ZNRF2: variants seen among roughly 807,000 people sequenced by gnomAD.
The protein encoded by ZNRF2 is E3 ubiquitin-protein ligase ZNRF2.
ZNRF2 carries 16 observed loss-of-function variants against 20.4 expected under a neutral mutation model. That is an observed-to-expected ratio of 0.79 (90% CI 0.53 to 1.19). The LOEUF (loss-of-function observed/expected upper bound fraction) is 1.19. Among genes scored for constraint, ZNRF2 ranks in the 50% most tolerant of loss-of-function variants. The pLI is 0.00. For missense variants in ZNRF2, 363 were observed against 332.4 expected, an observed-to-expected ratio of 1.09 and a Z score of -0.72; for synonymous variants, 178 against 144.9, an observed-to-expected ratio of 1.23 and a Z score of -1.64.
chr7:30,290,149 G>A (rs960469670), intron 1 of ZNRF2, among the ~76,000 whole-genome samples: 19 of 152,162 alleles, frequency 1.2e-4, no homozygotes, highest in African/African-American at 3.6e-4. Context: ...CTTAAGAACT[G>A]TTATTTGAAA....
In ZNRF2 at chr7:30,289,900, C is replaced by G. The variant is rs771844844; in HGVS notation, c.469+4074C>G. 33 of 534,222 alleles carry G rather than the reference C, an allele frequency of 6.2e-5. No individual in the cohort carries two copies. In the Middle Eastern group the frequency reaches 1.6e-3, roughly 26 times the overall value. The allele number at this position is 534,222 out of a possible 1,614,324, so 33.1% of individuals were successfully genotyped here. On this transcript the variant is annotated intron_variant, in intron 1 of 4. Coordinates refer to ENST00000323037, the MANE Select transcript of ZNRF2 (RefSeq NM_147128.4). The stretch of plus-strand genomic sequence containing the variant: ...TCTCCAACAAGTCTCTTGCTCTCCT[C>G]CAATTTGATCGCTTTGCCTGGTGAC...
chr7:30,319,578 C>T (rs556500978), intron 1 of ZNRF2, among the ~76,000 whole-genome samples: 1 of 152,224 alleles, frequency 6.6e-6, no homozygotes, highest in African/African-American at 2.4e-5. Context: ...TGTAAATAAA[C>T]ACAGGGCCAT....
At chr7:30,324,168 G>C (rs1799516203) in intron 2 of ZNRF2, among the ~76,000 whole-genome samples, 1 of 151,948 alleles carries the variant, frequency 6.6e-6, no homozygotes, top group South Asian at 2.1e-4. Context: ...TCTTCATTCA[G>C]TTTATTGTGA....
At chr7:30,355,515 A>G (rs181678980) in intron 2 of ZNRF2, among the ~76,000 whole-genome samples, 6 of 152,308 alleles carry the variant, frequency 3.9e-5, no homozygotes, top group African/African-American at 1.4e-4. Context: ...TAAAATAGAA[A>G]TGAAAACGTG....
rs529020102 is a variant in ZNRF2, at chr7:30,289,847, A to C, written c.469+4021A>C. ...GAGGGAGTAAGAGCCCTGTTGTTGT[A>C]AGATAGTGTCTTACTCCCTCAGGCA... On this transcript the variant is annotated intron_variant, in intron 1 of 4. Coordinates refer to ENST00000323037, the MANE Select transcript of ZNRF2 (RefSeq NM_147128.4). 57 of 534,210 alleles carry C rather than the reference A, an allele frequency of 1.1e-4. 1 individual carries two copies. The highest frequency in any genetic ancestry group is 1.8e-4 in the Non-Finnish European group (46 of 259,834). 33.1% of individuals were successfully genotyped at this position (534,210 alleles called of 1,614,324 possible).
At chr7:30,288,251 G>T (rs1272451633) in intron 1 of ZNRF2, among the ~76,000 whole-genome samples, 1 of 152,072 alleles carries the variant, frequency 6.6e-6, no homozygotes, top group African/African-American at 2.4e-5. Context: ...TGTATAAATG[G>T]TTATATACAA....
intron 2 of ZNRF2, among the ~76,000 whole-genome samples, chr7:30,354,320 A>T (rs971341211): frequency 2.0e-5 from 3 of 152,154 alleles, no homozygotes; most frequent in African/African-American, 4.8e-5. Flanking sequence ...CTCCTAACGT[A>T]TTCAGTCCAT....
At chr7:30,349,669 A>G (rs1191507185) in intron 2 of ZNRF2, among the ~76,000 whole-genome samples, 4 of 152,016 alleles carry the variant, frequency 2.6e-5, no homozygotes, top group Non-Finnish European at 5.9e-5. Context: ...AAATTTAAAC[A>G]TTTGTCTAAT....
At chr7:30,312,023 G>T (rs1035035698) in intron 1 of ZNRF2, among the ~76,000 whole-genome samples, 1 of 152,100 alleles carries the variant, frequency 6.6e-6, no homozygotes, top group Non-Finnish European at 1.5e-5. Context: ...GTTGCTAAAA[G>T]GTCATTTAAA....
chr7:30,331,634 G>C (rs763638222), intron 2 of ZNRF2, among the ~76,000 whole-genome samples: 1 of 152,174 alleles, frequency 6.6e-6, no homozygotes, highest in Non-Finnish European at 1.5e-5. Context: ...TGGAGAGGCA[G>C]TATTTGAAGG....
chr7:30,367,291 C>T lies in ZNRF2; in HGVS notation c.*1279C>T, dbSNP rs1404617110. On this transcript the variant is annotated 3_prime_UTR_variant, in exon 5 of 5. Transcript: ENST00000323037. ...AAACAAAATTATGTTAATAAATATT[C>T]CCACATAATACATCTGAATGGTTAA... The T allele has an allele frequency of 7.9e-5, 12 of 152,314 alleles. No individual in the cohort carries two copies. Among genetic ancestry groups the T allele is most frequent in the Admixed American group, 7.9e-4 (12 of 15,244 alleles). 9.4% of individuals were successfully genotyped at this position (152,314 alleles called of 1,614,324 possible). A position where few individuals can be genotyped will look rare whatever the true frequency, so the allele number is the denominator to read the frequency against.
intron 1 of ZNRF2, among the ~76,000 whole-genome samples, chr7:30,322,499 T>C (rs1799486552): frequency 6.6e-6 from 1 of 152,210 alleles, no homozygotes; most frequent in Non-Finnish European, 1.5e-5. Context: ...TAGCTTCATG[T>C]GGCCTTCTTT....
intron 2 of ZNRF2, among the ~76,000 whole-genome samples, chr7:30,352,277 G>T (rs917344102): frequency 6.6e-6 from 1 of 151,904 alleles, no homozygotes; most frequent in Admixed American, 6.6e-5. Context: ...GATAGCAGTC[G>T]CATTTGTGAG....
chr7:30,305,933 C>T (rs929110974), intron 1 of ZNRF2, among the ~76,000 whole-genome samples: 2 of 152,066 alleles, frequency 1.3e-5, no homozygotes, highest in Non-Finnish European at 2.9e-5. Flanking sequence ...AAACATTATT[C>T]TGGGTATCTT....
At chr7:30,328,714 A>G (rs1201928491) in intron 2 of ZNRF2, among the ~76,000 whole-genome samples, 1 of 152,156 alleles carries the variant, frequency 6.6e-6, no homozygotes, top group African/African-American at 2.4e-5. Flanking sequence ...TGCACAATAT[A>G]TCTGAACACC....
chr7:30,319,132 T>C (rs1005439355), intron 1 of ZNRF2, among the ~76,000 whole-genome samples: 39 of 151,670 alleles, frequency 2.6e-4, no homozygotes, highest in Non-Finnish European at 3.1e-4. Flanking sequence ...AAAAATGTCG[T>C]TTTAGAACTG....
chr7:30,334,842 A>T (rs1256961627), intron 2 of ZNRF2, among the ~76,000 whole-genome samples: 2 of 152,184 alleles, frequency 1.3e-5, no homozygotes, highest in Non-Finnish European at 2.9e-5. Flanking sequence ...CAGCTGACAT[A>T]CAAAGTTTAG....
intron 2 of ZNRF2, among the ~76,000 whole-genome samples, chr7:30,350,894 T>C (rs1463203248): frequency 6.6e-6 from 1 of 152,068 alleles, no homozygotes; most frequent in African/African-American, 2.4e-5. Context: ...AAAGATCATA[T>C]ACCTGTTTGG....
At chr7:30,298,328 T>C (rs1217505678) in intron 1 of ZNRF2, among the ~76,000 whole-genome samples, 2 of 152,228 alleles carry the variant, frequency 1.3e-5, no homozygotes, top group Non-Finnish European at 2.9e-5. Flanking sequence ...TTTGTTTGGC[T>C]TCATTCTTTT....
Sources: allele counts gnomAD v4.1 joint callset (sites outside exome capture counted in the v4.1 genomes callset), GRCh38; gene constraint gnomAD v4.1.1; transcripts MANE v1.5; gene names NCBI Gene and HGNC (gene_info 2026-07-23, HGNC 2026-07-21).